The following RPS6KA1 variants were observed in gnomAD, a reference collection of about 807,000 sequenced individuals.
The protein encoded by RPS6KA1 is ribosomal protein S6 kinase A1.
Under a neutral mutation model 91.3 loss-of-function variants are expected in RPS6KA1, and 48 were observed. That is an observed-to-expected ratio of 0.53 (90% confidence interval 0.42 to 0.67). The LOEUF is 0.67. Among genes scored for constraint, RPS6KA1 ranks in the 30% least tolerant of loss-of-function variants. The pLI, the probability that RPS6KA1 is intolerant of heterozygous loss-of-function variation, is 0.00. For missense variants in RPS6KA1, 719 were observed against 960.5 expected (o/e 0.75, Z 3.32); for synonymous variants, 359 against 384.7 (o/e 0.93, Z 0.78).
At chr1:26,550,193 T>C (rs1313829487) in intron 4 of RPS6KA1, among the ~76,000 whole-genome samples, 1 of 146,818 alleles carries the variant, frequency 6.8e-6, no homozygotes, top group Non-Finnish European at 1.5e-5. Context: ...TTTTTTTTTT[T>C]TTTTTTTTGA....
chr1:26,529,920 G>C lies in RPS6KA1; in HGVS notation c.-1G>C, dbSNP rs1271087961. Reference sequence around the variant, plus strand: ...AGCGCGGGTGACCTGGCGGCGGCGAGATGCCGCTCGCCCAGCTCAAGGAGC... The same window carrying C: ...AGCGCGGGTGACCTGGCGGCGGCGACATGCCGCTCGCCCAGCTCAAGGAGC... On this transcript the variant is annotated 5_prime_UTR_variant, in exon 1 of 22. Transcript: ENST00000374168. The surrounding 1 kb of genome is among the most constrained non-coding windows in gnomAD (Gnocchi z 4.2). 2.1e-6 allele frequency: 3 copies of C among 1,428,306 alleles called. No homozygotes were observed. The highest frequency in any genetic ancestry group is 3.0e-5 in the African/African-American group (2 of 66,850). The allele number at this position is 1,428,306 out of a possible 1,614,324, so 88.5% of individuals were successfully genotyped here. A position where few individuals can be genotyped will look rare whatever the true frequency, so the allele number is the denominator to read the frequency against.
At chr1:26,532,320 C>A (rs151281859) in intron 1 of RPS6KA1, among the ~76,000 whole-genome samples, 1,939 of 152,326 alleles carry the variant, frequency 0.013, 18 homozygotes, top group African/African-American at 0.034. Flanking sequence ...CACTTTAATT[C>A]TCACAACAGC....
intron 2 of RPS6KA1, chr1:26,543,943 AG>A (rs1317412067): frequency 2.5e-6 from 1 of 396,162 alleles, no homozygotes; most frequent in Non-Finnish European, 5.2e-6. Context: ...GGTCCCCCTC[AG>A]GTCTTGGCAT....
rs139173799 is a variant in RPS6KA1 at position 26,561,141 on chromosome 1, G to C, written c.1431+7G>C. On this transcript the variant is annotated splice_region_variant and intron_variant, in intron 16 of 21. Coordinates refer to ENST00000374168, the MANE Select transcript of RPS6KA1 (RefSeq NM_002953.4). The surrounding 1 kb of genome is among the most constrained non-coding windows in gnomAD (Gnocchi z 5.7). The stretch of plus-strand genomic sequence containing the variant: ...CATCATCACTCTGAAAGATGTGAGT[G>C]GGGGTCCTTAAGACTGGGGTGGGGA... The C allele has an allele frequency of 4.1e-5, 66 of 1,611,634 alleles. No homozygotes were observed. In the African/African-American group the frequency reaches 8.0e-4, roughly 20 times the overall value.
In RPS6KA1 at chr1:26,536,959, A is replaced by G. The variant is rs1304207065; in HGVS notation, c.98A>G (p.Gln33Arg). Reference sequence around the variant, plus strand: ...ACCTCAGGGGAAGAAGCTGGACTTCAGCCGTCCAAGGTGAGGACCATGGCC... The same window carrying G: ...ACCTCAGGGGAAGAAGCTGGACTTCGGCCGTCCAAGGTGAGGACCATGGCC... ...GQTSGEEAGL[Q>R]PSKDEGVLKE... Residue 33 changes from glutamine to arginine, a missense_variant, in exon 2 of 22, where the codon CAG becomes CGG. This residue lies in a region of RPS6KA1 where 57 missense variants were observed against 55.8 expected (regional missense o/e 1.02). Coordinates refer to ENST00000374168, the MANE Select transcript of RPS6KA1 (RefSeq NM_002953.4). The G allele has an allele frequency of 3.1e-6, 5 of 1,614,130 alleles. No individual in the cohort carries two copies. The highest frequency in any genetic ancestry group is 3.4e-6 in the Non-Finnish European group (4 of 1,179,996).
intron 2 of RPS6KA1, chr1:26,543,209 C>T (rs900304609): frequency 7.8e-6 from 12 of 1,535,360 alleles, no homozygotes; most frequent in Non-Finnish European, 1.0e-5. Flanking sequence ...ACTTGGTTCC[C>T]TGTCCCAGAA....
At chr1:26,544,240 T>C (rs1047120283) in intron 2 of RPS6KA1, 1 of 455,508 alleles carries the variant, frequency 2.2e-6, no homozygotes, top group Middle Eastern at 3.3e-4. Flanking sequence ...TGCCTACCTC[T>C]GTCTGTGGTT....
rs2075912289 is a variant in RPS6KA1 at position 26,537,076 on chromosome 1, G to T, written c.108+107G>T. ...GCCTCTAGCCCCTTTGCCCAACTCA[G>T]CCGTCCTTCTCAGGGCCCACCGAAT... On this transcript the variant is annotated intron_variant, in intron 2 of 21. Coordinates refer to ENST00000374168, the MANE Select transcript of RPS6KA1 (RefSeq NM_002953.4). The T allele has an allele frequency of 2.5e-6, 3 of 1,212,868 alleles. No homozygotes were observed. In the East Asian group the frequency reaches 7.0e-5, roughly 28 times the overall value. The allele number at this position is 1,212,868 out of a possible 1,614,324, so 75.1% of individuals were successfully genotyped here.
Position 26,536,970 on chromosome 1 carries a change from G to T in RPS6KA1, c.108+1G>T. On this transcript the variant is annotated splice_donor_variant, in intron 2 of 21. Coordinates refer to ENST00000374168, the MANE Select transcript of RPS6KA1 (RefSeq NM_002953.4). LOFTEE classifies it high-confidence loss of function. ...AGAAGCTGGACTTCAGCCGTCCAAG[G>T]TGAGGACCATGGCCAGCACCCTGAG... 6.2e-7 allele frequency: 1 copy of T among 1,614,150 alleles called. No individual in the cohort carries two copies. Among genetic ancestry groups the T allele is most frequent in the Non-Finnish European group, 8.5e-7 (1 of 1,179,996 alleles).
At position 26,529,995 on chromosome 1, in the gene RPS6KA1, G is replaced by C; in HGVS notation, c.63+12G>C. 7.4e-7 allele frequency: 1 copy of C among 1,354,082 alleles called. No homozygotes were observed. Among genetic ancestry groups the C allele is most frequent in the Non-Finnish European group, 9.5e-7 (1 of 1,051,300 alleles). The allele number at this position is 1,354,082 out of a possible 1,614,324, so 83.9% of individuals were successfully genotyped here. On this transcript the variant is annotated intron_variant, in intron 1 of 21. Coordinates refer to ENST00000374168, the MANE Select transcript of RPS6KA1 (RefSeq NM_002953.4). This position sits in a 1 kb window ranked among gnomAD's most constrained non-coding sequence, Gnocchi z 4.2. ...CTCTGGACCCGGAGGTGAGTGAGCG[G>C]GGCGGGGGACGGGCGCCCGCGGCCG... is the stretch of plus-strand genomic sequence containing the variant.
At chr1:26,552,383 T>A in intron 6 of RPS6KA1, among the ~76,000 whole-genome samples, 1 of 71,482 alleles carries the variant, frequency 1.4e-5, no homozygotes, top group East Asian at 3.3e-4. Flanking sequence ...CGAGACTCTG[T>A]CTCAAAAAAA....
chr1:26,554,611 A>G lies in RPS6KA1; in HGVS notation c.629A>G (p.Lys210Arg). Reference sequence around the variant, plus strand: ...CTTGCTGTAGACTTTGGCCTGAGCAAAGAGGCCATTGACCACGAGAAGAAG... The same window carrying G: ...CTTGCTGTAGACTTTGGCCTGAGCAGAGAGGCCATTGACCACGAGAAGAAG... ...HIKLTDFGLS[K>R]EAIDHEKKAY... The change falls in exon 9 of 22, where the codon AAA becomes AGA. Residue 210 changes from lysine (K) to arginine (R), a missense_variant. Lys to Arg is a conservative substitution (Grantham distance 26). Coordinates refer to ENST00000374168, the MANE Select transcript of RPS6KA1 (RefSeq NM_002953.4). This position sits in a 1 kb window ranked among gnomAD's most constrained non-coding sequence, Gnocchi z 4.6. The G allele has an allele frequency of 6.2e-7, 1 of 1,613,044 alleles. No homozygotes were observed.
Position 26,571,676 on chromosome 1 carries a change from G to A in RPS6KA1, c.1752+66G>A. On this transcript the variant is annotated intron_variant, in intron 18 of 21. Coordinates refer to ENST00000374168, the MANE Select transcript of RPS6KA1 (RefSeq NM_002953.4). The surrounding 1 kb of genome is among the most constrained non-coding windows in gnomAD (Gnocchi z 5.1). ...ATTGGAGGCCTTGTGCCCCCTCCCA[G>A]AGGCCCCACATTAGCCGGGACTCCA... is the stretch of plus-strand genomic sequence containing the variant. 6.4e-7 allele frequency: 1 copy of A among 1,571,172 alleles called. No individual in the cohort carries two copies.
Position 26,574,754 on chromosome 1 carries a change from G to T in RPS6KA1, c.*553G>T. ...AGTTCTAGAACCACTTCCTGCTACA[G>T]GAGGGGTCTCATGTCCTGCTGGCTT... On this transcript the variant is annotated 3_prime_UTR_variant, in exon 22 of 22. Transcript: ENST00000374168. This position sits in a 1 kb window ranked among gnomAD's most constrained non-coding sequence, Gnocchi z 4.3. The T allele has an allele frequency of 3.5e-6, 1 of 282,998 alleles. No individual in the cohort carries two copies. Among genetic ancestry groups the T allele is most frequent in the Non-Finnish European group, 7.0e-6 (1 of 142,278 alleles). The allele number at this position is 282,998 out of a possible 1,614,324, so 17.5% of individuals were successfully genotyped here. A position where few individuals can be genotyped will look rare whatever the true frequency, so the allele number is the denominator to read the frequency against.
chr1:26,535,773 TCA>T (rs1383811482), intron 1 of RPS6KA1, among the ~76,000 whole-genome samples: 3 of 152,056 alleles, frequency 2.0e-5, no homozygotes, highest in African/African-American at 7.2e-5. Flanking sequence ...ATAGGCATCA[TCA>T]CTAGGTCCCC....
intron 2 of RPS6KA1, 24 bp from the exon 3 acceptor site, chr1:26,546,843 C>T: frequency 6.3e-7 from 1 of 1,598,080 alleles, no homozygotes; most frequent in Non-Finnish European, 8.6e-7. Context: ...CCCACCATGC[C>T]CACCAGCTCT....
At chr1:26,559,696 T>C (rs1044051577) in intron 14 of RPS6KA1, among the ~76,000 whole-genome samples, 1 of 152,228 alleles carries the variant, frequency 6.6e-6, no homozygotes, top group East Asian at 1.9e-4. Context: ...TTGGATGAGA[T>C]ACTCCCTTCC....
intron 4 of RPS6KA1, among the ~76,000 whole-genome samples, chr1:26,549,980 A>G (rs2076033792): frequency 2.6e-5 from 4 of 151,422 alleles, no homozygotes; most frequent in Admixed American, 1.3e-4. Context: ...CCCGGGTTCA[A>G]GTGATTCTCC....
chr1:26,547,057 C>A lies in RPS6KA1; in HGVS notation c.225+74C>A. 2 of 1,514,704 alleles carry A rather than the reference C, an allele frequency of 1.3e-6. No individual in the cohort carries two copies. Among genetic ancestry groups the A allele is most frequent in the Non-Finnish European group, 1.8e-6 (2 of 1,090,306 alleles). 93.8% of individuals were successfully genotyped at this position (1,514,704 alleles called of 1,614,324 possible). A position where few individuals can be genotyped will look rare whatever the true frequency, so the allele number is the denominator to read the frequency against. ...GTGGGGGTCAAGGGTCACCTAGGGG[C>A]CCAAAGGATCAGAGGTCACCTTGGT... On this transcript the variant is annotated intron_variant, in intron 3 of 21. Transcript: ENST00000374168. The surrounding 1 kb of genome is among the most constrained non-coding windows in gnomAD (Gnocchi z 4.1).
Sources: allele counts gnomAD v4.1 joint callset (sites outside exome capture counted in the v4.1 genomes callset), GRCh38; gene constraint gnomAD v4.1.1; regional missense constraint gnomAD v4.1.1; non-coding constraint Gnocchi (gnomAD v3.1); transcripts MANE v1.5; gene names NCBI Gene and HGNC (gene_info 2026-07-23, HGNC 2026-07-21).